The following RGPD4 variants were observed in gnomAD, a reference collection of about 807,000 sequenced individuals.
The protein encoded by RGPD4 is RANBP2 like and GRIP domain containing 4.
Under a neutral mutation model 141.1 loss-of-function variants are expected in RGPD4, and 84 were observed. That is an observed-to-expected ratio of 0.60 (90% CI 0.50 to 0.71). The LOEUF (loss-of-function observed/expected upper bound fraction) is 0.71. RGPD4 is among the 30% of genes least tolerant of loss of function. RGPD4 has a pLI of 0.00. For synonymous variants in RGPD4, 298 were observed against 566.8 expected (o/e 0.53, Z 6.74); for missense variants, 918 against 1,622.4 (o/e 0.57, Z 7.46).
chr2:107,868,651 A>AT (rs1204460625), intron 18 of RGPD4, among the ~76,000 whole-genome samples: 1 of 149,490 alleles, frequency 6.7e-6, no homozygotes, highest in African/African-American at 2.5e-5. Context: ...TTGTCAGGTA[A>AT]TTTTTTTGAC....
intron 20 of RGPD4, among the ~76,000 whole-genome samples, chr2:107,874,336 G>T (rs928139198): frequency 1.3e-5 from 2 of 150,006 alleles, no homozygotes; most frequent in Non-Finnish European, 3.0e-5. Context: ...TATTATATAT[G>T]TTGCACCGAT....
intron 1 of RGPD4, among the ~76,000 whole-genome samples, chr2:107,830,140 C>G (rs1681427170): frequency 6.6e-6 from 1 of 151,926 alleles, no homozygotes; most frequent in African/African-American, 2.4e-5. Flanking sequence ...CCCTCGCCCC[C>G]ATCCCCGCCC....
rs771499557 is a variant in RGPD4, at chr2:107,827,052, C to T, written c.39C>T (p.Ala13=). 2.5e-6 allele frequency: 4 copies of T among 1,597,976 alleles called. No individual in the cohort carries two copies. Among genetic ancestry groups the T allele is most frequent in the Non-Finnish European group, 3.4e-6 (4 of 1,173,658 alleles). The change falls in exon 1 of 23, where the codon GCC becomes GCT. Residue 13 remains alanine, a synonymous_variant. Transcript: ENST00000408999. Reference sequence around the variant, plus strand: ...AGGCCTACGGGGAGCGGTACGTCGCCTCCGTGCAGGGCTCCGCCCCGTCGC... The same window carrying T: ...AGGCCTACGGGGAGCGGTACGTCGCTTCCGTGCAGGGCTCCGCCCCGTCGC... The part of the protein sequence containing the change: ...CSKAYGERYV[A]SVQGSAPSPR...
At chr2:107,858,452 T>TCTTTTCTTG (rs1573499239) in intron 9 of RGPD4, among the ~76,000 whole-genome samples, 2 of 108,606 alleles carry the variant, frequency 1.8e-5, no homozygotes, top group Non-Finnish European at 3.9e-5. Flanking sequence ...TCTTTTCTTT[T>TCTTTTCTTG]TTTTGAGACA....
In RGPD4 at chr2:107,880,423, C is replaced by T. The variant is rs561480749; in HGVS notation, c.5064+316C>T. Among the ~76,000 whole-genome samples the T allele has an allele frequency of 4.0e-5, 6 of 150,960 alleles. No individual in the cohort carries two copies. The East Asian group carries it at 1.2e-3, about 30-fold the overall frequency. ...GGACTACAGGTGCCCGCCAACATGC[C>T]TGGCTAATTTCTTTGTATTTTTAGT... is the stretch of plus-strand genomic sequence containing the variant. On this transcript the variant is annotated intron_variant, in intron 21 of 22. Coordinates refer to ENST00000408999, the MANE Select transcript of RGPD4 (RefSeq NM_182588.3).
In RGPD4 at chr2:107,871,243, G is replaced by A. The variant is rs1682903858; in HGVS notation, c.3239G>A (p.Arg1080Lys). The A allele has an allele frequency of 6.2e-7, 1 of 1,609,118 alleles. No homozygotes were observed. The highest frequency in any genetic ancestry group is 1.1e-5 in the South Asian group (1 of 90,830). Residue 1080 changes from arginine to lysine, a missense_variant, in exon 20 of 23, where the codon AGG (arginine) becomes AAG (lysine). Arg to Lys is a conservative substitution (Grantham distance 26, BLOSUM62 2). Coordinates refer to ENST00000408999, the MANE Select transcript of RGPD4 (RefSeq NM_182588.3). ...FDAEVRQWKERGLGNLKILKN... is the reference protein window; with the variant it reads ...FDAEVRQWKEKGLGNLKILKN... Reference sequence around the variant, plus strand: ...GCTGAGGTAAGGCAGTGGAAAGAAAGGGGCTTGGGGAACTTAAAAATTCTC... The same window carrying A: ...GCTGAGGTAAGGCAGTGGAAAGAAAAGGGCTTGGGGAACTTAAAAATTCTC...
intron 22 of RGPD4, among the ~76,000 whole-genome samples, chr2:107,887,496 T>C (rs1035435385): frequency 4.6e-5 from 7 of 151,480 alleles, no homozygotes; most frequent in Non-Finnish European, 8.8e-5. Context: ...TGGGAAACAT[T>C]AGCTTAGGGG....
At chr2:107,852,180 G>T (rs1364539552) in intron 7 of RGPD4, among the ~76,000 whole-genome samples, 2 of 141,028 alleles carry the variant, frequency 1.4e-5, no homozygotes, top group Non-Finnish European at 3.1e-5. Context: ...GGCGGAGGTT[G>T]CAGTGAGCCG....
At chr2:107,846,356 G>A (rs2104425815) in intron 6 of RGPD4, among the ~76,000 whole-genome samples, 1 of 151,876 alleles carries the variant, frequency 6.6e-6, no homozygotes, top group Admixed American at 6.5e-5. Context: ...CTGAGCCACT[G>A]CACCCGGCCG....
At chr2:107,840,344 G>A (rs1220905795) in intron 4 of RGPD4, among the ~76,000 whole-genome samples, 126 of 152,220 alleles carry the variant, frequency 8.3e-4, no homozygotes, top group African/African-American at 2.7e-3. Flanking sequence ...ACGGAGTCTC[G>A]CTCTGTTGCC....
In RGPD4 at chr2:107,859,506, A is replaced by G; in HGVS notation, c.1586A>G (p.Gln529Arg). ...PVCKQLCTER[Q>R]KSWWDAVCTL... ...TGTAAACAGCTTTGTACAGAAAGAC[A>G]AAAATCTTGGTGGGATGCGGTTTGT... The change falls in exon 11 of 23, where the codon CAA becomes CGA. Residue 529 changes from glutamine to arginine, a missense_variant. By Grantham distance (43) the Gln-to-Arg change is conservative. Coordinates refer to ENST00000408999, the MANE Select transcript of RGPD4 (RefSeq NM_182588.3). 1 of 1,611,380 alleles carries G rather than the reference A, an allele frequency of 6.2e-7. No individual in the cohort carries two copies. The highest frequency in any genetic ancestry group is 1.1e-5 in the South Asian group (1 of 90,968).
chr2:107,888,411 G>T (rs1429961311), intron 22 of RGPD4, among the ~76,000 whole-genome samples: 1 of 151,558 alleles, frequency 6.6e-6, no homozygotes, highest in Non-Finnish European at 1.5e-5. Context: ...CAGTCATCTG[G>T]TTCTCTTTAT....
At chr2:107,833,301 G>C (rs1236680066) in intron 1 of RGPD4, among the ~76,000 whole-genome samples, 5 of 152,076 alleles carry the variant, frequency 3.3e-5, no homozygotes, top group Admixed American at 1.3e-4. Flanking sequence ...GTTAAGTTTT[G>C]GACAATTACA....
chr2:107,827,771 G>A (rs1486817547), intron 1 of RGPD4, among the ~76,000 whole-genome samples: 37 of 27,538 alleles, frequency 1.3e-3, no homozygotes, highest in Admixed American at 1.8e-3. Flanking sequence ...CTGCTCCCTG[G>A]CGCGCTCTGT....
intron 9 of RGPD4, among the ~76,000 whole-genome samples, chr2:107,857,219 C>T (rs1475266313): frequency 1.3e-5 from 2 of 151,104 alleles, no homozygotes; most frequent in Non-Finnish European, 2.9e-5. Flanking sequence ...CTCACTGTAA[C>T]CTCTGCCTCC....
At chr2:107,846,129 T>C (rs2104425132) in intron 6 of RGPD4, among the ~76,000 whole-genome samples, 1 of 145,880 alleles carries the variant, frequency 6.9e-6, no homozygotes, top group South Asian at 2.2e-4. Flanking sequence ...GGTTTCACTG[T>C]GTTAGCCAGG....
chr2:107,831,200 AT>A lies in RGPD4; in HGVS notation c.72+4116del, dbSNP rs1422732587. 1.9e-3 allele frequency among the ~76,000 whole-genome samples: 272 copies of A among 140,532 alleles called. 2 individuals are homozygous for A. Among genetic ancestry groups the A allele is most frequent in the African/African-American group, 4.9e-3 (188 of 38,738 alleles). The allele number at this position is 140,532 out of a possible 152,430, so 92.2% of individuals were successfully genotyped here. On this transcript the variant is annotated intron_variant, in intron 1 of 22. Transcript: ENST00000408999. ...TCCAAAAAAGAAAAAAAGAAAAAAA[AT>A]ATATAATTCTTTCTCTAGTTTTTCT...
At chr2:107,844,506 A>G (rs2104420267) in intron 6 of RGPD4, among the ~76,000 whole-genome samples, 1 of 152,230 alleles carries the variant, frequency 6.6e-6, no homozygotes, top group Admixed American at 6.5e-5. Flanking sequence ...GAAAAAGTTT[A>G]CTGATTGCTA....
chr2:107,883,272 G>C (rs199619125), intron 22 of RGPD4: 24 of 417,506 alleles, frequency 5.7e-5, no homozygotes, highest in South Asian at 1.9e-4. Flanking sequence ...TAAGACAATG[G>C]AGTCATATAG....
Sources: gnomAD v4.1 joint callset for allele counts (sites outside exome capture counted in the v4.1 genomes callset) on GRCh38, gnomAD v4.1.1 for gene constraint, MANE v1.5 for transcripts, NCBI Gene and HGNC (gene_info 2026-07-23, HGNC 2026-07-21) for gene names.